The following CENPW variants were observed in gnomAD, a reference collection of about 807,000 sequenced individuals.
CENPW encodes the protein cancer-up-regulated gene 2 protein.
In CENPW, 3 loss-of-function variants were observed where a neutral mutation model predicts 11.1. The observed-to-expected ratio is 0.27, with a 90% CI of 0.12 to 0.70. The LOEUF is 0.70. Among genes scored for constraint, CENPW ranks in the 30% least tolerant of loss-of-function variants. CENPW has a pLI of 0.77. For missense variants in CENPW, 100 were observed against 105.6 expected (o/e 0.95, Z 0.23); for synonymous variants, 38 against 42.0 (o/e 0.91, Z 0.37).
chr6:126,346,889 A>G (rs937989758), intron 2 of CENPW, among the ~76,000 whole-genome samples: 33 of 152,300 alleles, frequency 2.2e-4, no homozygotes, highest in African/African-American at 7.5e-4. Context: ...CAGAGGTTGC[A>G]GTGTGCCAAG....
At chr6:126,384,224 C>A in the CENPW span, among the ~76,000 whole-genome samples, 1 of 152,050 alleles carries the variant, frequency 6.6e-6, no homozygotes, top group Admixed American at 6.6e-5. Context: ...ATACAGCATA[C>A]CAGAATTTCT....
chr6:126,427,306 T>G, the CENPW span, among the ~76,000 whole-genome samples: 1 of 152,214 alleles, frequency 6.6e-6, no homozygotes, highest in African/African-American at 2.4e-5. Flanking sequence ...TAAAATTACA[T>G]GGTAGAAGAA....
the CENPW span, among the ~76,000 whole-genome samples, chr6:126,373,695 G>A: frequency 6.6e-6 from 1 of 152,182 alleles, no homozygotes; most frequent in Non-Finnish European, 1.5e-5. Context: ...TTATCCTCCG[G>A]AACCTCTCCA....
chr6:126,340,177 C>A lies in CENPW; in HGVS notation c.-97C>A, dbSNP rs769333541. The stretch of plus-strand genomic sequence containing the variant: ...TTTTTCTGCCTGAAGAAGCGTCATA[C>A]GGACCGGATTGTTTTCGCTGGCCCA... On this transcript the variant is annotated 5_prime_UTR_variant, in exon 1 of 3. Coordinates refer to ENST00000368328, the MANE Select transcript of CENPW (RefSeq NM_001012507.4). 1 of 1,141,304 alleles carries A rather than the reference C, an allele frequency of 8.8e-7. No individual in the cohort carries two copies. Among genetic ancestry groups the A allele is most frequent in the Non-Finnish European group, 1.3e-6 (1 of 779,482 alleles). The allele number at this position is 1,141,304 out of a possible 1,614,324, so 70.7% of individuals were successfully genotyped here.
chr6:126,479,962 A>G, the CENPW span, among the ~76,000 whole-genome samples: 2 of 151,840 alleles, frequency 1.3e-5, no homozygotes, highest in African/African-American at 4.8e-5. Context: ...ATGGCTTTCC[A>G]TGTCTTAAAA....
At chr6:126,420,439 G>A in the CENPW span, among the ~76,000 whole-genome samples, 2 of 152,100 alleles carry the variant, frequency 1.3e-5, no homozygotes, top group East Asian at 1.9e-4. Flanking sequence ...GGGTTAAAAT[G>A]TTATGTTAAG....
the CENPW span, among the ~76,000 whole-genome samples, chr6:126,392,913 A>T: frequency 2.8e-4 from 42 of 151,880 alleles, no homozygotes; most frequent in Non-Finnish European, 3.1e-4. Flanking sequence ...GGGTTAAGCC[A>T]TTGGGTCCTG....
chr6:126,471,630 A>G, the CENPW span, among the ~76,000 whole-genome samples: 3 of 152,214 alleles, frequency 2.0e-5, no homozygotes, highest in South Asian at 2.1e-4. Flanking sequence ...ATCAAAATAA[A>G]CAGTCTAGAA....
chr6:126,442,788 C>CT, the CENPW span, among the ~76,000 whole-genome samples: 2 of 151,262 alleles, frequency 1.3e-5, no homozygotes, highest in Admixed American at 1.3e-4. Context: ...ATACTACTTA[C>CT]ATCTATGGAA....
chr6:126,478,912 T>C, the CENPW span, among the ~76,000 whole-genome samples: 17 of 152,174 alleles, frequency 1.1e-4, no homozygotes, highest in East Asian at 2.9e-3. Flanking sequence ...TAGCTGCCTG[T>C]CTCTTGATAG....
At chr6:126,341,714 G>C (rs763456412) in intron 1 of CENPW, among the ~76,000 whole-genome samples, 1 of 152,120 alleles carries the variant, frequency 6.6e-6, no homozygotes, top group Non-Finnish European at 1.5e-5. Flanking sequence ...ACATTTTTAC[G>C]TAGTATATTA....
the CENPW span, among the ~76,000 whole-genome samples, chr6:126,431,036 A>G: frequency 2.0e-5 from 3 of 152,184 alleles, no homozygotes; most frequent in Non-Finnish European, 4.4e-5. Context: ...CTTCCTCACC[A>G]CTATCCTACA....
In CENPW at chr6:126,340,253, A is replaced by G. The variant is rs1227868755; in HGVS notation, c.-21A>G. 6.2e-7 allele frequency: 1 copy of G among 1,612,452 alleles called. No individual in the cohort carries two copies. Among genetic ancestry groups the G allele is most frequent in the Admixed American group, 1.7e-5 (1 of 59,978 alleles). ...CAGAGAGCACCTCGGAAGCTGAGGC[A>G]GCTGGTACTTGACAGAGAGGATGGC... On this transcript the variant is annotated 5_prime_UTR_variant, in exon 1 of 3. Transcript: ENST00000368328.
At position 126,348,560 on chromosome 6, in the gene CENPW, T is replaced by G. The variant is rs1287608185; in HGVS notation, c.*68T>G. ...GGGTGGTAACAGATCATAAAGACAT[T>G]TTTTACACATCAGTTAATATGGGAT... On this transcript the variant is annotated 3_prime_UTR_variant, in exon 3 of 3. Transcript: ENST00000368328. The G allele has an allele frequency of 1.8e-5, 16 of 901,384 alleles. No individual in the cohort carries two copies. The highest frequency in any genetic ancestry group is 2.9e-5 in the Non-Finnish European group (16 of 549,336). The allele number at this position is 901,384 out of a possible 1,614,324, so 55.8% of individuals were successfully genotyped here.
chr6:126,350,092 C>G (rs930056762), downstream of CENPW, among the ~76,000 whole-genome samples: 1 of 152,140 alleles, frequency 6.6e-6, no homozygotes, highest in African/African-American at 2.4e-5. Flanking sequence ...TACCATTTTA[C>G]ATTTCCATTA....
At chr6:126,411,316 G>T in the CENPW span, among the ~76,000 whole-genome samples, 7 of 152,164 alleles carry the variant, frequency 4.6e-5, no homozygotes, top group Non-Finnish European at 5.9e-5. Flanking sequence ...GACATAGTTT[G>T]TTAATGCCCT....
the CENPW span, among the ~76,000 whole-genome samples, chr6:126,481,991 A>C: frequency 0.5 from 75,413 of 151,862 alleles, 19,772 homozygotes; most frequent in East Asian, 0.97. Flanking sequence ...TGTGAAGTTC[A>C]TTTTTGAAGC....
At chr6:126,411,632 A>G in the CENPW span, among the ~76,000 whole-genome samples, 1 of 152,026 alleles carries the variant, frequency 6.6e-6, no homozygotes, top group Admixed American at 6.6e-5. Context: ...AGGCCCGTTG[A>G]CCAGGTTGTA....
chr6:126,357,744 G>C, the CENPW span, among the ~76,000 whole-genome samples: 1 of 152,172 alleles, frequency 6.6e-6, no homozygotes, highest in South Asian at 2.1e-4. Context: ...AAGTAGCAGA[G>C]ACTACAGGCA....
Sources: gnomAD v4.1 joint callset for allele counts (sites outside exome capture counted in the v4.1 genomes callset) on GRCh38, gnomAD v4.1.1 for gene constraint, MANE v1.5 for transcripts, NCBI Gene and HGNC (gene_info 2026-07-23, HGNC 2026-07-21) for gene names.